The following EBF1 variants were observed in gnomAD, a reference collection of about 807,000 sequenced individuals.
EBF1 encodes EBF transcription factor 1.
A neutral mutation model predicts 68.4 loss-of-function variants in EBF1; 10 were observed. That is an observed-to-expected ratio of 0.15 (90% CI 0.09 to 0.25). The LOEUF (loss-of-function observed/expected upper bound fraction) is 0.25. EBF1 is among the 10% of genes least tolerant of loss of function. The pLI, the probability that EBF1 is intolerant of heterozygous loss-of-function variation, is 1.00. For missense variants in EBF1, 509 were observed against 794.4 expected (o/e 0.64, Z 4.32); for synonymous variants, 298 against 299.8 (o/e 0.99, Z 0.06).
chr5:159,097,122 C>G lies in EBF1; in HGVS notation c.143G>C (p.Gly48Ala), dbSNP rs748930975. Residue 48 changes from glycine to alanine, a missense_variant, in exon 2 of 16, where the codon GGT becomes GCT. Gly to Ala is a moderately conservative substitution (Grantham distance 60). This residue lies in a region of EBF1 where 74 missense variants were observed against 79.4 expected (regional missense o/e 0.93). Coordinates refer to ENST00000313708, the MANE Select transcript of EBF1 (RefSeq NM_024007.5). ...CTTCTCAAAGTGAGCCCGGGCCAGACCCACCCCGCTGCGGCCAAAGACGCA... is the reference window on the plus strand; with the variant it reads ...CTTCTCAAAGTGAGCCCGGGCCAGAGCCACCCCGCTGCGGCCAAAGACGCA... ...DANTAAQSGV[G>A]LARAHFEKQP... is the part of the protein sequence containing the mutation. The G allele has an allele frequency of 2.5e-6, 4 of 1,613,600 alleles. No homozygotes were observed. The highest frequency in any genetic ancestry group is 3.4e-6 in the Non-Finnish European group (4 of 1,179,846).
At chr5:158,767,096 A>T (rs1356873187) in intron 10 of EBF1, among the ~76,000 whole-genome samples, 1 of 152,216 alleles carries the variant, frequency 6.6e-6, no homozygotes, top group Non-Finnish European at 1.5e-5. Flanking sequence ...GATTAAAGCC[A>T]TGTGATAAAT....
rs555966635 is a variant in EBF1, at chr5:158,734,034, C to T, written c.1037-2877G>A. On this transcript the variant is annotated intron_variant, in intron 10 of 15. Coordinates refer to ENST00000313708, the MANE Select transcript of EBF1 (RefSeq NM_024007.5). Reference sequence around the variant, plus strand: ...CGCATGGAATAGAATATGATGCCATCCTCAAAAGCAATGCCATAGGAAAAA... The same window carrying T: ...CGCATGGAATAGAATATGATGCCATTCTCAAAAGCAATGCCATAGGAAAAA... Among the ~76,000 whole-genome samples, 8 of 152,246 alleles carry T rather than the reference C, an allele frequency of 5.3e-5. No homozygotes were observed. In the South Asian group the frequency reaches 6.2e-4, roughly 12 times the overall value.
intron 6 of EBF1, among the ~76,000 whole-genome samples, chr5:158,859,034 T>C (rs1460166039): frequency 6.6e-6 from 1 of 152,136 alleles, no homozygotes; most frequent in Non-Finnish European, 1.5e-5. Flanking sequence ...ACCGCAATCA[T>C]TGCCAGCCAA....
At chr5:158,740,882 C>A (rs1766214050) in intron 10 of EBF1, among the ~76,000 whole-genome samples, 1 of 152,222 alleles carries the variant, frequency 6.6e-6, no homozygotes, top group African/African-American at 2.4e-5. Flanking sequence ...CAGAGCTCCT[C>A]AAACTTTCTC....
chr5:159,095,579 G>A (rs915658994), intron 4 of EBF1, 41 bp downstream of exon 4: 1 of 1,610,354 alleles, frequency 6.2e-7, no homozygotes. Flanking sequence ...CCTGAATTTT[G>A]TGACATAGAG....
chr5:158,805,920 T>C (rs1213190771), intron 8 of EBF1, among the ~76,000 whole-genome samples: 1 of 152,118 alleles, frequency 6.6e-6, no homozygotes, highest in African/African-American at 2.4e-5. Context: ...ACACTGTTTC[T>C]ATCATTTTCA....
chr5:159,010,200 T>A (rs535514196), intron 6 of EBF1, among the ~76,000 whole-genome samples: 1 of 152,342 alleles, frequency 6.6e-6, no homozygotes, highest in East Asian at 1.9e-4. Flanking sequence ...AAAGTCACGA[T>A]ATCCTCGCAG....
chr5:159,028,778 G>A (rs897912487), intron 6 of EBF1, among the ~76,000 whole-genome samples: 1 of 152,160 alleles, frequency 6.6e-6, no homozygotes, highest in Non-Finnish European at 1.5e-5. Flanking sequence ...GAGCTTCTCT[G>A]AGGTGATATT....
intron 6 of EBF1, among the ~76,000 whole-genome samples, chr5:158,882,635 CAAT>C (rs753746684): frequency 2.0e-5 from 3 of 152,168 alleles, no homozygotes; most frequent in Admixed American, 6.5e-5. Flanking sequence ...CTTATCACAA[CAAT>C]GAGTCCTTAA....
intron 6 of EBF1, among the ~76,000 whole-genome samples, chr5:158,999,975 A>C (rs1197225747): frequency 1.3e-5 from 2 of 152,232 alleles, no homozygotes; most frequent in Non-Finnish European, 2.9e-5. Context: ...GCTCCTGCAG[A>C]AATCTGAATG....
intron 6 of EBF1, among the ~76,000 whole-genome samples, chr5:159,030,186 A>T (rs1226229176): frequency 2.0e-5 from 3 of 152,086 alleles, no homozygotes; most frequent in African/African-American, 4.8e-5. Flanking sequence ...TAATTTTTTT[A>T]AAATGTAGAA....
chr5:158,928,987 A>T (rs1810284383), intron 6 of EBF1, among the ~76,000 whole-genome samples: 1 of 152,162 alleles, frequency 6.6e-6, no homozygotes, highest in Non-Finnish European at 1.5e-5. Context: ...AAAAATTTTT[A>T]AATCTTTTTT....
chr5:158,907,661 A>C, intron 6 of EBF1, among the ~76,000 whole-genome samples: 1 of 152,202 alleles, frequency 6.6e-6, no homozygotes, highest in East Asian at 1.9e-4. Context: ...TTAAATGAAT[A>C]AGAACAGAAT....
chr5:159,056,183 AT>A (rs1774694181), intron 6 of EBF1, among the ~76,000 whole-genome samples: 2 of 152,230 alleles, frequency 1.3e-5, no homozygotes, highest in African/African-American at 4.8e-5. Flanking sequence ...GTATACATAA[AT>A]TCAAAATTCC....
intron 6 of EBF1, among the ~76,000 whole-genome samples, chr5:158,982,065 G>A (rs1315289888): frequency 2.0e-5 from 3 of 152,082 alleles, no homozygotes; most frequent in African/African-American, 7.2e-5. Flanking sequence ...GGATTTCATT[G>A]TCAAATTATG....
In EBF1 at chr5:158,883,699, C is replaced by T. The variant is rs559240287; in HGVS notation, c.555-43589G>A. ...GGGAAGTTAAGGCTTTGGCAGGTTA[C>T]GCAGCTTACTCAATTCACAGCTGAT... On this transcript the variant is annotated intron_variant, in intron 6 of 15. Transcript: ENST00000313708. Among the ~76,000 whole-genome samples the T allele has an allele frequency of 3.3e-5, 5 of 152,208 alleles. No individual in the cohort carries two copies. In the South Asian group the frequency reaches 6.2e-4, roughly 19 times the overall value.
At chr5:158,889,868 GAAAAT>G (rs1244207589) in intron 6 of EBF1, among the ~76,000 whole-genome samples, 1 of 152,020 alleles carries the variant, frequency 6.6e-6, no homozygotes, top group Non-Finnish European at 1.5e-5. Context: ...ACAATGATAC[GAAAAT>G]AAAATAAATG....
chr5:158,702,217 C>CTTGAG (rs1756907060), intron 15 of EBF1, among the ~76,000 whole-genome samples: 1 of 152,098 alleles, frequency 6.6e-6, no homozygotes, highest in Non-Finnish European at 1.5e-5. Flanking sequence ...GCCTGAAGAT[C>CTTGAG]TTGAGTTTTA....
chr5:158,959,599 T>G (rs1366360131), intron 6 of EBF1, among the ~76,000 whole-genome samples: 1 of 152,060 alleles, frequency 6.6e-6, no homozygotes, highest in Non-Finnish European at 1.5e-5. Context: ...TTCAAGAATT[T>G]TAAAGACATA....
Sources: gnomAD v4.1 joint callset for allele counts (sites outside exome capture counted in the v4.1 genomes callset) on GRCh38, gnomAD v4.1.1 for gene constraint, gnomAD v4.1.1 regional missense constraint, MANE v1.5 for transcripts, NCBI Gene and HGNC (gene_info 2026-07-23, HGNC 2026-07-21) for gene names.